CREB3L1: variants seen among roughly 807,000 people sequenced by gnomAD.
The protein encoded by CREB3L1 is cAMP responsive element binding protein 3 like 1.
Under a neutral mutation model 54.5 loss-of-function variants are expected in CREB3L1, and 33 were observed. The ratio of observed to expected loss-of-function variants is 0.61; its 90% CI spans 0.46 to 0.81. The LOEUF is 0.81. Ranked by LOEUF, CREB3L1 falls within the 30% of genes least tolerant of loss-of-function variation. The pLI, the probability that CREB3L1 is intolerant of heterozygous loss-of-function variation, is 0.00. For synonymous variants in CREB3L1, 284 were observed against 286.4 expected, an observed-to-expected ratio of 0.99 and a Z score of 0.08; for missense variants, 656 against 673.3, an observed-to-expected ratio of 0.97 and a Z score of 0.29.
rs557765149 is a variant in CREB3L1 at position 46,295,639 on chromosome 11, C to G, written c.103-4296C>G. 6.6e-6 allele frequency among the ~76,000 whole-genome samples: 1 copy of G among 152,360 alleles called. No individual in the cohort carries two copies. The highest frequency in any genetic ancestry group is 1.9e-4 in the East Asian group (1 of 5,174). ...CACTCCTCCGGTGCCCTCCACGCCG[C>G]CACCGGCTGCTGCTCGCAGCCTCCC... is the stretch of plus-strand genomic sequence containing the variant. On this transcript the variant is annotated intron_variant, in intron 1 of 11. Coordinates refer to ENST00000621158, the MANE Select transcript of CREB3L1 (RefSeq NM_052854.4). This position sits in a 1 kb window ranked among gnomAD's most constrained non-coding sequence, Gnocchi z 4.6.
chr11:46,312,646 A>T lies in CREB3L1; in HGVS notation c.938A>T (p.Glu313Val). Residue 313 changes from glutamate (E) to valine (V), a missense_variant, in exon 7 of 12, where the codon GAG becomes GTG. By Grantham distance (121) the Glu-to-Val change is moderately radical. Around this residue, in one of 3 missense-constraint regions of CREB3L1, gnomAD observed 77 missense variants for 122.0 expected, o/e 0.63. Transcript: ENST00000621158. The stretch of plus-strand genomic sequence containing the variant: ...CAGGAGAGCCGTCGTAAGAAGAAGG[A>T]GTATGTGGAGTGTCTAGAAAAGAAG... ...SAQESRRKKK[E>V]YVECLEKKVE... 6.2e-7 allele frequency: 1 copy of T among 1,610,620 alleles called. No individual in the cohort carries two copies. Among genetic ancestry groups the T allele is most frequent in the Non-Finnish European group, 8.5e-7 (1 of 1,178,166 alleles).
chr11:46,299,266 G>A (rs986695053), intron 1 of CREB3L1, among the ~76,000 whole-genome samples: 1 of 152,050 alleles, frequency 6.6e-6, no homozygotes, highest in Admixed American at 6.6e-5. Context: ...TAGAAGGATG[G>A]AGGCCACCAT....
At chr11:46,307,794 T>C (rs1292893177) in intron 2 of CREB3L1, 22 bp from the exon 3 acceptor site, 1 of 1,532,252 alleles carries the variant, frequency 6.5e-7, no homozygotes, top group Admixed American at 2.0e-5. Flanking sequence ...TAGAGTCCCC[T>C]GAGCCTTTCC....
At chr11:46,300,598 G>A (rs1318093679) in intron 2 of CREB3L1, among the ~76,000 whole-genome samples, 2 of 152,224 alleles carry the variant, frequency 1.3e-5, no homozygotes, top group Non-Finnish European at 2.9e-5. Context: ...GCCGGGTGTG[G>A]TGGCTCACGC....
chr11:46,306,172 G>C (rs963877365), intron 2 of CREB3L1, among the ~76,000 whole-genome samples: 2 of 152,152 alleles, frequency 1.3e-5, no homozygotes, highest in Non-Finnish European at 1.5e-5. Flanking sequence ...GCCTCCCAAA[G>C]CTGGGATTAT....
chr11:46,287,161 A>G (rs1057005231), intron 1 of CREB3L1, among the ~76,000 whole-genome samples: 1 of 152,164 alleles, frequency 6.6e-6, no homozygotes, highest in Non-Finnish European at 1.5e-5. Context: ...CTCCAAGCTT[A>G]TTTTCCTCAT....
rs191404853 is a variant in CREB3L1, at chr11:46,300,972, T to G, written c.331+809T>G. 9.5e-3 allele frequency among the ~76,000 whole-genome samples: 1,166 copies of G among 122,182 alleles called. 9 individuals are homozygous for G. Among genetic ancestry groups the G allele is most frequent in the Non-Finnish European group, 0.013 (826 of 63,230 alleles). 80.2% of individuals were successfully genotyped at this position (122,182 alleles called of 152,430 possible). A position where few individuals can be genotyped will look rare whatever the true frequency, so the allele number is the denominator to read the frequency against. On this transcript the variant is annotated intron_variant, in intron 2 of 11. Coordinates refer to ENST00000621158, the MANE Select transcript of CREB3L1 (RefSeq NM_052854.4). ...GTGAGCCAAGATTGCGCCACTGCAC[T>G]CCAGCCTGGGCGACAGAGCGAGACT...
intron 1 of CREB3L1, among the ~76,000 whole-genome samples, chr11:46,288,061 C>CT (rs540525800): frequency 1.6e-4 from 24 of 151,770 alleles, no homozygotes; most frequent in Middle Eastern, 3.4e-3. Flanking sequence ...CAATTACACT[C>CT]TTTTTTTTAT....
chr11:46,294,899 A>T (rs1939182645), intron 1 of CREB3L1, among the ~76,000 whole-genome samples: 1 of 150,586 alleles, frequency 6.6e-6, no homozygotes, highest in Non-Finnish European at 1.5e-5. Flanking sequence ...AGAAAGGGGG[A>T]AATGTGAGAG....
At chr11:46,282,626 C>T (rs1938996455) in intron 1 of CREB3L1, among the ~76,000 whole-genome samples, 1 of 152,230 alleles carries the variant, frequency 6.6e-6, no homozygotes, top group South Asian at 2.1e-4. Context: ...CAAATATTGC[C>T]TCCTTAGGGA....
chr11:46,282,131 C>T (rs536278064), intron 1 of CREB3L1, among the ~76,000 whole-genome samples: 2 of 152,012 alleles, frequency 1.3e-5, no homozygotes, highest in Non-Finnish European at 2.9e-5. Context: ...ATGAATAAAT[C>T]GATGGATGGA....
intron 2 of CREB3L1, among the ~76,000 whole-genome samples, chr11:46,304,464 T>G (rs1658520973): frequency 6.6e-6 from 1 of 151,850 alleles, no homozygotes; most frequent in Non-Finnish European, 1.5e-5. Flanking sequence ...AGAGCGAAAT[T>G]CCATCTCAAA....
intron 2 of CREB3L1, among the ~76,000 whole-genome samples, chr11:46,302,168 AAATAATAATAAT>A (rs61146206): frequency 0.031 from 4,139 of 135,582 alleles, 132 homozygotes; most frequent in African/African-American, 0.075. Flanking sequence ...GCTCCGTCTC[AAATAATAATAAT>A]AATAATAATA....
At chr11:46,293,697 C>A (rs1939163868) in intron 1 of CREB3L1, among the ~76,000 whole-genome samples, 1 of 152,234 alleles carries the variant, frequency 6.6e-6, no homozygotes, top group Admixed American at 6.5e-5. Context: ...AAGCCCGGGG[C>A]TCCCAAATCT....
intron 8 of CREB3L1, among the ~76,000 whole-genome samples, chr11:46,313,248 C>T (rs1939517450): frequency 1.3e-5 from 2 of 152,172 alleles, no homozygotes; most frequent in South Asian, 4.1e-4. Context: ...TCAGAAGCTC[C>T]AGGGGTAGGG....
intron 1 of CREB3L1, among the ~76,000 whole-genome samples, chr11:46,284,094 A>G (rs561127927): frequency 2.0e-3 from 312 of 152,304 alleles, no homozygotes; most frequent in Non-Finnish European, 2.8e-3. Context: ...CCATTCCTTC[A>G]GCAACTGGGC....
chr11:46,305,492 T>A (rs1482867534), intron 2 of CREB3L1, among the ~76,000 whole-genome samples: 1 of 151,718 alleles, frequency 6.6e-6, no homozygotes, highest in East Asian at 1.9e-4. Flanking sequence ...CTGGCCGATT[T>A]CAACACTTCC....
At chr11:46,305,700 G>GTATATATA (rs201431893) in intron 2 of CREB3L1, among the ~76,000 whole-genome samples, 3 of 87,476 alleles carry the variant, frequency 3.4e-5, no homozygotes, top group African/African-American at 9.3e-5. Flanking sequence ...ATGTGTGTGT[G>GTATATATA]TGTGTGTGTG....
At position 46,307,804 on chromosome 11, in the gene CREB3L1, C is replaced by T. The variant is rs1939421120; in HGVS notation, c.332-12C>T. On this transcript the variant is annotated splice_polypyrimidine_tract_variant and intron_variant, in intron 2 of 11. Coordinates refer to ENST00000621158, the MANE Select transcript of CREB3L1 (RefSeq NM_052854.4). Reference sequence around the variant, plus strand: ...TGCCCTAGAGTCCCCTGAGCCTTTCCCCTTCCCCTAGATGCAGAGCATGGA... The same window carrying T: ...TGCCCTAGAGTCCCCTGAGCCTTTCTCCTTCCCCTAGATGCAGAGCATGGA... 2 of 1,546,198 alleles carry T rather than the reference C, an allele frequency of 1.3e-6. No individual in the cohort carries two copies. The highest frequency in any genetic ancestry group is 2.0e-5 in the Admixed American group (1 of 50,318).
Sources: allele counts gnomAD v4.1 joint callset (sites outside exome capture counted in the v4.1 genomes callset), GRCh38; gene constraint gnomAD v4.1.1; regional missense constraint gnomAD v4.1.1; non-coding constraint Gnocchi (gnomAD v3.1); transcripts MANE v1.5; gene names NCBI Gene and HGNC (gene_info 2026-07-23, HGNC 2026-07-21).